Variants in NEO1 observed in about 807,000 individuals in gnomAD.
NEO1 encodes neogenin 1, also known as neogenin.
NEO1 carries 63 observed loss-of-function variants against 159.7 expected under a neutral mutation model. That is an observed-to-expected ratio of 0.39 (90% CI 0.32 to 0.49). The LOEUF is 0.49. Among genes scored for constraint, NEO1 ranks in the 20% least tolerant of loss-of-function variants. The pLI, the probability that NEO1 is intolerant of heterozygous loss-of-function variation, is 0.85. For missense variants in NEO1, 1,615 were observed against 1,831.0 expected (o/e 0.88, Z 2.15); for synonymous variants, 633 against 662.0 (o/e 0.96, Z 0.67).
chr15:73,143,533 C>G (rs557392977), intron 5 of NEO1: 1 of 152,738 alleles, frequency 6.5e-6, no homozygotes, highest in Non-Finnish European at 1.5e-5. Flanking sequence ...TCGGCGGATG[C>G]CGGTGGGCAG....
At chr15:73,229,488 G>A (rs1453041729) in intron 7 of NEO1, among the ~76,000 whole-genome samples, 1 of 146,300 alleles carries the variant, frequency 6.8e-6, no homozygotes, top group African/African-American at 2.5e-5. Context: ...AGGGTTTTCT[G>A]CATAGATAAT....
At chr15:73,276,933 T>C (rs1255664081) in intron 21 of NEO1, among the ~76,000 whole-genome samples, 1 of 152,218 alleles carries the variant, frequency 6.6e-6, no homozygotes, top group Admixed American at 6.5e-5. Context: ...TTTTTTATGC[T>C]TGTAATAGGA....
chr15:73,252,254 G>C (rs1208916897), intron 11 of NEO1, among the ~76,000 whole-genome samples: 1 of 152,220 alleles, frequency 6.6e-6, no homozygotes, highest in Non-Finnish European at 1.5e-5. Flanking sequence ...TGGATTAGGA[G>C]AGAAGGGCTA....
At chr15:73,193,641 A>T (rs915469636) in intron 7 of NEO1, among the ~76,000 whole-genome samples, 2 of 148,774 alleles carry the variant, frequency 1.3e-5, no homozygotes, top group African/African-American at 5.0e-5. Context: ...ATTACCAAAA[A>T]GTGTCTCCTT....
chr15:73,102,428 C>T (rs2070452882), intron 1 of NEO1, among the ~76,000 whole-genome samples: 1 of 152,156 alleles, frequency 6.6e-6, no homozygotes, highest in Admixed American at 6.5e-5. Flanking sequence ...TTTGAGAACA[C>T]TGTCTACATT....
chr15:73,196,835 A>C (rs2036557588), intron 7 of NEO1, among the ~76,000 whole-genome samples: 1 of 152,184 alleles, frequency 6.6e-6, no homozygotes, highest in Non-Finnish European at 1.5e-5. Context: ...TCTCAAGCCT[A>C]TAATTCTCTT....
At chr15:73,106,614 A>G (rs754671136) in intron 1 of NEO1, among the ~76,000 whole-genome samples, 17 of 152,286 alleles carry the variant, frequency 1.1e-4, no homozygotes, top group Non-Finnish European at 2.2e-4. Flanking sequence ...TAGTGCAGAT[A>G]TGGTGGTTAC....
At chr15:73,105,018 G>A (rs1043690035) in intron 1 of NEO1, among the ~76,000 whole-genome samples, 2 of 152,132 alleles carry the variant, frequency 1.3e-5, no homozygotes, top group African/African-American at 4.8e-5. Flanking sequence ...ATCATAGGCA[G>A]AATATTTAGA....
At chr15:73,171,413 A>C (rs540360265) in intron 5 of NEO1, among the ~76,000 whole-genome samples, 1 of 151,766 alleles carries the variant, frequency 6.6e-6, no homozygotes, top group South Asian at 2.1e-4. Context: ...AAAATCAAAA[A>C]ATTAGCTGGG....
chr15:73,065,158 T>C (rs2068153091), intron 1 of NEO1, among the ~76,000 whole-genome samples: 1 of 152,244 alleles, frequency 6.6e-6, no homozygotes, highest in Non-Finnish European at 1.5e-5. Flanking sequence ...TATTATGTTA[T>C]TGTTGTGTAT....
chr15:73,246,762 T>C (rs2039815803), intron 9 of NEO1, among the ~76,000 whole-genome samples: 1 of 152,250 alleles, frequency 6.6e-6, no homozygotes, highest in Admixed American at 6.5e-5. Flanking sequence ...TGTCTGTACA[T>C]ATTCACATTT....
chr15:73,257,256 T>C (rs1460897778), intron 13 of NEO1, among the ~76,000 whole-genome samples: 1 of 141,842 alleles, frequency 7.1e-6, no homozygotes, highest in African/African-American at 2.6e-5. Context: ...GCATCATTCT[T>C]GTTGCTGTTA....
chr15:73,165,764 A>G (rs1403017456), intron 5 of NEO1, among the ~76,000 whole-genome samples: 2 of 152,220 alleles, frequency 1.3e-5, no homozygotes, highest in African/African-American at 2.4e-5. Context: ...TGCCGTTTTT[A>G]CAGTTGAATG....
At chr15:73,095,225 T>C (rs2151471223) in intron 1 of NEO1, among the ~76,000 whole-genome samples, 1 of 151,414 alleles carries the variant, frequency 6.6e-6, no homozygotes, top group East Asian at 1.9e-4. Context: ...AAAAAAAAAC[T>C]TAACAGCTAA....
intron 1 of NEO1, among the ~76,000 whole-genome samples, chr15:73,094,260 A>C (rs1043593224): frequency 2.6e-5 from 4 of 152,174 alleles, no homozygotes; most frequent in Non-Finnish European, 4.4e-5. Context: ...CCGGTCCTAG[A>C]TAACACTCTT....
Position 73,097,776 on chromosome 15 carries a change from C to CTTTTTTTTTTTTTTTT in NEO1, c.131-18757_131-18742dup, listed in dbSNP as rs34165169. ...TTCTAATCCCAGACCTGGAACTAGC[C>CTTTTTTTTTTTTTTTT]TTTTTTTTTTTTTTTTTTTTTTGTA... On this transcript the variant is annotated intron_variant, in intron 1 of 28. Coordinates refer to ENST00000261908, the MANE Select transcript of NEO1 (RefSeq NM_002499.4). Among the ~76,000 whole-genome samples, 111 of 75,552 alleles carry CTTTTTTTTTTTTTTTT rather than the reference C, an allele frequency of 1.5e-3. 1 individual carries two copies. The highest frequency in any genetic ancestry group is 3.6e-3 in the African/African-American group (43 of 11,936). 49.6% of individuals were successfully genotyped at this position (75,552 alleles called of 152,430 possible).
chr15:73,151,069 G>A (rs2033332364), intron 5 of NEO1, among the ~76,000 whole-genome samples: 1 of 152,192 alleles, frequency 6.6e-6, no homozygotes, highest in Non-Finnish European at 1.5e-5. Context: ...CCTACCAACA[G>A]TGTATGTGAG....
At chr15:73,205,192 A>C (rs1233147566) in intron 7 of NEO1, among the ~76,000 whole-genome samples, 3 of 152,112 alleles carry the variant, frequency 2.0e-5, no homozygotes, top group Admixed American at 6.5e-5. Context: ...TGTGACCTTC[A>C]CAAGTGTTTC....
At chr15:73,250,344 A>G (rs1197058405) in intron 11 of NEO1, among the ~76,000 whole-genome samples, 3 of 152,302 alleles carry the variant, frequency 2.0e-5, no homozygotes, top group African/African-American at 4.8e-5. Context: ...GTAAGGGTAT[A>G]TGTTGTTTCA....
Sources: allele counts gnomAD v4.1 joint callset (sites outside exome capture counted in the v4.1 genomes callset), GRCh38; gene constraint gnomAD v4.1.1; transcripts MANE v1.5; gene names NCBI Gene and HGNC (gene_info 2026-07-23, HGNC 2026-07-21).